Variants in EBF2 observed in about 807,000 individuals in gnomAD.
EBF2 encodes EBF transcription factor 2.
Under a neutral mutation model 72.8 loss-of-function variants are expected in EBF2, and 21 were observed. The ratio of observed to expected loss-of-function variants is 0.29; its 90% CI spans 0.20 to 0.42. EBF2 has a LOEUF of 0.42. Among genes scored for constraint, EBF2 ranks in the 10% least tolerant of loss-of-function variants. EBF2 has a pLI of 1.00. For missense variants in EBF2, 637 were observed against 731.2 expected, an observed-to-expected ratio of 0.87 and a Z score of 1.49; for synonymous variants, 299 against 274.2, an observed-to-expected ratio of 1.09 and a Z score of -0.89.
At chr8:25,940,619 AT>A (rs796987926) in intron 6 of EBF2, among the ~76,000 whole-genome samples, 38 of 45,008 alleles carry the variant, frequency 8.4e-4, no homozygotes, top group East Asian at 2.3e-3. Flanking sequence ...AAATGAAAAA[AT>A]TAAAAAAAAA....
chr8:26,038,406 GA>G (rs1790456289), intron 5 of EBF2, among the ~76,000 whole-genome samples: 1 of 152,154 alleles, frequency 6.6e-6, no homozygotes, highest in African/African-American at 2.4e-5. Context: ...ATAAAATGAG[GA>G]GGATTTGATT....
rs557364498 is a variant in EBF2 at position 26,007,234 on chromosome 8, C to G, written c.551+25851G>C. Among the ~76,000 whole-genome samples, 4 of 152,278 alleles carry G rather than the reference C, an allele frequency of 2.6e-5. No homozygotes were observed. The South Asian group carries it at 8.3e-4, about 32-fold the overall frequency. On this transcript the variant is annotated intron_variant, in intron 6 of 15. Coordinates refer to ENST00000520164, the MANE Select transcript of EBF2 (RefSeq NM_022659.4). Reference sequence around the variant, plus strand: ...GATCAACAGGGAGAGAGCCTGGCCTCTTGGTGAGTGGACAGGACGCCAGGC... The same window carrying G: ...GATCAACAGGGAGAGAGCCTGGCCTGTTGGTGAGTGGACAGGACGCCAGGC...
chr8:25,969,132 CT>C (rs1166885633), intron 6 of EBF2, among the ~76,000 whole-genome samples: 4 of 152,110 alleles, frequency 2.6e-5, no homozygotes, highest in Non-Finnish European at 2.9e-5. Context: ...TTGGAGACAC[CT>C]TTTCTTAAGA....
At position 25,972,889 on chromosome 8, in the gene EBF2, A is replaced by T. The variant is rs867754375; in HGVS notation, c.551+60196T>A. ...GTTTGGCTTTTTTTTTTTTTTTTTG[A>T]AAATCACCTTTTTCATAAAGCACAT... On this transcript the variant is annotated intron_variant, in intron 6 of 15. Coordinates refer to ENST00000520164, the MANE Select transcript of EBF2 (RefSeq NM_022659.4). Among the ~76,000 whole-genome samples the T allele has an allele frequency of 3.8e-3, 249 of 65,312 alleles. 1 individual carries two copies. The highest frequency in any genetic ancestry group is 0.011 in the African/African-American group (216 of 18,904). The allele number at this position is 65,312 out of a possible 152,430, so 42.8% of individuals were successfully genotyped here.
chr8:25,861,866 C>T (rs1162079968), intron 11 of EBF2, among the ~76,000 whole-genome samples: 1 of 152,084 alleles, frequency 6.6e-6, no homozygotes, highest in African/African-American at 2.4e-5. Context: ...TAATATTTCC[C>T]CCTGTACACT....
chr8:26,022,814 A>G (rs990164052), intron 6 of EBF2, among the ~76,000 whole-genome samples: 42 of 152,286 alleles, frequency 2.8e-4, no homozygotes, highest in African/African-American at 9.9e-4. Context: ...TAGACTGATG[A>G]AATGCTGACT....
intron 6 of EBF2, among the ~76,000 whole-genome samples, chr8:25,997,388 T>A (rs1037918837): frequency 6.6e-6 from 1 of 152,062 alleles, no homozygotes; most frequent in East Asian, 1.9e-4. Flanking sequence ...CTGGGCAACA[T>A]AGCGAGACCC....
At chr8:25,941,179 C>T (rs898022646) in intron 6 of EBF2, among the ~76,000 whole-genome samples, 5 of 150,994 alleles carry the variant, frequency 3.3e-5, no homozygotes, top group Admixed American at 3.3e-4. Context: ...CTCCCCACCC[C>T]CAAGCCCCAA....
intron 6 of EBF2, among the ~76,000 whole-genome samples, chr8:26,009,819 C>T (rs866699852): frequency 1.3e-5 from 2 of 152,194 alleles, no homozygotes; most frequent in African/African-American, 2.4e-5. Context: ...GGCTTCATTT[C>T]ATGAATCTCA....
intron 6 of EBF2, among the ~76,000 whole-genome samples, chr8:25,923,180 C>T (rs1244071968): frequency 3.3e-5 from 5 of 152,208 alleles, no homozygotes; most frequent in Non-Finnish European, 7.3e-5. Context: ...AGAAAGGCCA[C>T]TCTGTGCAGG....
intron 7 of EBF2, among the ~76,000 whole-genome samples, chr8:25,896,382 A>G (rs752668524): frequency 1.1e-4 from 16 of 152,156 alleles, no homozygotes; most frequent in Non-Finnish European, 1.5e-4. Context: ...AACACATCGC[A>G]TTTATAGCAC....
chr8:26,013,670 T>C (rs1198553079), intron 6 of EBF2, among the ~76,000 whole-genome samples: 1 of 151,394 alleles, frequency 6.6e-6, no homozygotes, highest in Non-Finnish European at 1.5e-5. Flanking sequence ...CACACTACTC[T>C]CAAATCACAT....
At chr8:25,985,120 A>G (rs1258072783) in intron 6 of EBF2, among the ~76,000 whole-genome samples, 1 of 152,186 alleles carries the variant, frequency 6.6e-6, no homozygotes, top group African/African-American at 2.4e-5. Flanking sequence ...GAACCCTACC[A>G]AACTGGAAAT....
intron 6 of EBF2, among the ~76,000 whole-genome samples, chr8:25,915,102 T>G (rs1803189318): frequency 6.6e-6 from 1 of 152,184 alleles, no homozygotes. Flanking sequence ...CATGTAATCT[T>G]CTCAACTTTG....
chr8:25,886,964 A>C lies in EBF2; in HGVS notation c.883-83T>G, dbSNP rs542514301. The C allele has an allele frequency of 4.1e-6, 6 of 1,470,140 alleles. No homozygotes were observed. The Admixed American group carries it at 1.3e-4, about 31-fold the overall frequency. The allele number at this position is 1,470,140 out of a possible 1,614,324, so 91.1% of individuals were successfully genotyped here. A position where few individuals can be genotyped will look rare whatever the true frequency, so the allele number is the denominator to read the frequency against. On this transcript the variant is annotated intron_variant, in intron 9 of 15. Transcript: ENST00000520164. ...CATAAGGTGTACAACATCTCCCACT[A>C]TTGCTCCCCAGGGGCTTCTTTCTCT... is the stretch of plus-strand genomic sequence containing the variant.
chr8:26,018,216 C>T (rs910173063), intron 6 of EBF2, among the ~76,000 whole-genome samples: 15 of 150,880 alleles, frequency 9.9e-5, no homozygotes, highest in African/African-American at 3.4e-4. Flanking sequence ...CAGTTGGCTT[C>T]CCTAGAAGCT....
At chr8:25,878,060 T>TCAGTGAC (rs1370320377) in intron 10 of EBF2, among the ~76,000 whole-genome samples, 1 of 151,866 alleles carries the variant, frequency 6.6e-6, no homozygotes, top group East Asian at 1.9e-4. Context: ...CTCAGAGAGG[T>TCAGTGAC]CAGTGACCGG....
intron 6 of EBF2, among the ~76,000 whole-genome samples, chr8:25,924,175 A>G (rs896792414): frequency 6.6e-6 from 1 of 152,174 alleles, no homozygotes; most frequent in African/African-American, 2.4e-5. Context: ...GTCCCCTCAC[A>G]TATCTTCCCT....
At chr8:25,938,568 C>A (rs565356282) in intron 6 of EBF2, among the ~76,000 whole-genome samples, 2 of 152,164 alleles carry the variant, frequency 1.3e-5, no homozygotes, top group South Asian at 4.2e-4. Flanking sequence ...TGACAGAAAT[C>A]ATGATAAGAT....
Sources: allele counts gnomAD v4.1 joint callset (sites outside exome capture counted in the v4.1 genomes callset), GRCh38; gene constraint gnomAD v4.1.1; transcripts MANE v1.5; gene names NCBI Gene and HGNC (gene_info 2026-07-23, HGNC 2026-07-21).